Variants in SMIM35 observed in about 807,000 individuals in gnomAD.
SMIM35 encodes the protein TMPRSS4 antisense RNA 1 (non-protein coding).
intron 1 of SMIM35, among the ~76,000 whole-genome samples, chr11:118,024,448 G>A (rs73013729): frequency 0.096 from 14,585 of 152,090 alleles, 977 homozygotes; most frequent in East Asian, 0.37. Flanking sequence ...CTTATAAAGG[G>A]TGAGGCCAGT....
chr11:118,076,006 C>T lies in SMIM35; in HGVS notation c.7+10745G>A, dbSNP rs570276979. Among the ~76,000 whole-genome samples the T allele has an allele frequency of 1.1e-4, 16 of 152,336 alleles. No homozygotes were observed. In the South Asian group the frequency reaches 1.2e-3, roughly 12 times the overall value. ...CTGTGGGGCTGGGTGCGGTGGCTCACGCCATAATCACAGCACTTTGGGAGG... is the reference window on the plus strand; with the variant it reads ...CTGTGGGGCTGGGTGCGGTGGCTCATGCCATAATCACAGCACTTTGGGAGG... On this transcript the variant is annotated intron_variant, in intron 1 of 4. Coordinates refer to ENST00000689828, the MANE Select transcript of SMIM35 (RefSeq NM_001394165.1).
intron 1 of SMIM35, among the ~76,000 whole-genome samples, chr11:118,058,637 C>G (rs956229261): frequency 6.6e-6 from 1 of 152,202 alleles, no homozygotes; most frequent in African/African-American, 2.4e-5. Context: ...GCAGGTGCCT[C>G]TCTATCAAAG....
chr11:118,065,757 G>T (rs1447697499), intron 1 of SMIM35, among the ~76,000 whole-genome samples: 1 of 152,136 alleles, frequency 6.6e-6, no homozygotes, highest in Non-Finnish European at 1.5e-5. Context: ...TTCTTGTTCA[G>T]CCCACTCCCA....
chr11:118,026,761 A>G (rs2058277188), intron 1 of SMIM35, among the ~76,000 whole-genome samples: 1 of 152,104 alleles, frequency 6.6e-6, no homozygotes, highest in Admixed American at 6.5e-5. Context: ...TGAGCCCAGG[A>G]ATTTGAGACC....
intron 1 of SMIM35, among the ~76,000 whole-genome samples, chr11:118,045,496 C>A (rs1197845050): frequency 6.6e-6 from 1 of 151,966 alleles, no homozygotes; most frequent in Non-Finnish European, 1.5e-5. Context: ...GTAAAAAGAG[C>A]CTTTCAAGTT....
intron 1 of SMIM35, among the ~76,000 whole-genome samples, chr11:118,053,504 G>A (rs942997304): frequency 2.6e-5 from 4 of 152,158 alleles, no homozygotes; most frequent in Admixed American, 2.6e-4. Flanking sequence ...CCATGCTCTG[G>A]CAACCCTTCC....
chr11:118,029,116 A>T, intron 1 of SMIM35: 1 of 264,702 alleles, frequency 3.8e-6, no homozygotes, highest in Middle Eastern at 1.2e-3. Flanking sequence ...GTATAGCATA[A>T]ATAAATAAAA....
chr11:118,041,486 T>C (rs1467393420), intron 1 of SMIM35, among the ~76,000 whole-genome samples: 1 of 151,870 alleles, frequency 6.6e-6, no homozygotes, highest in African/African-American at 2.4e-5. Flanking sequence ...AAATTAGAAA[T>C]CAATAGCAAA....
intron 1 of SMIM35, among the ~76,000 whole-genome samples, chr11:118,036,079 G>T (rs1218731755): frequency 6.6e-6 from 1 of 151,936 alleles, no homozygotes; most frequent in Non-Finnish European, 1.5e-5. Flanking sequence ...TAGAGATGGG[G>T]TTTCACCATG....
At chr11:118,067,715 TC>T in intron 1 of SMIM35, among the ~76,000 whole-genome samples, 2 of 149,810 alleles carry the variant, frequency 1.3e-5, no homozygotes, top group Non-Finnish European at 3.0e-5. Flanking sequence ...CGCCTATAGT[TC>T]AACTTCTCGG....
In SMIM35 at chr11:118,004,874, C is replaced by A. The variant is rs1250026818; in HGVS notation, c.*1536G>T. ...CATCAAGGGTGCAGCTGAGGGCTCC[C>A]TTTAGTAAGTTGTCTAATCTGTAGA... On this transcript the variant is annotated 3_prime_UTR_variant, in exon 5 of 5. Coordinates refer to ENST00000689828, the MANE Select transcript of SMIM35 (RefSeq NM_001394165.1). 6.6e-6 allele frequency: 1 copy of A among 152,130 alleles called. No homozygotes were observed. The highest frequency in any genetic ancestry group is 1.5e-5 in the Non-Finnish European group (1 of 68,072). 9.4% of individuals were successfully genotyped at this position (152,130 alleles called of 1,614,324 possible). A position where few individuals can be genotyped will look rare whatever the true frequency, so the allele number is the denominator to read the frequency against.
intron 4 of SMIM35, among the ~76,000 whole-genome samples, chr11:118,010,563 G>A (rs1344420950): frequency 2.0e-5 from 3 of 152,218 alleles, no homozygotes. Flanking sequence ...CAGCCTGGTT[G>A]AGGAACAGCA....
intron 1 of SMIM35, among the ~76,000 whole-genome samples, chr11:118,065,813 G>A (rs561876444): frequency 1.8e-4 from 28 of 152,236 alleles, no homozygotes; most frequent in African/African-American, 6.0e-4. Flanking sequence ...TGCTTTTGTT[G>A]CTTCATTATT....
intron 4 of SMIM35, among the ~76,000 whole-genome samples, chr11:118,011,679 A>G (rs11216676): frequency 0.12 from 17,758 of 152,128 alleles, 1,473 homozygotes; most frequent in East Asian, 0.37. Flanking sequence ...GCAACAGGGC[A>G]AGACTCCATC....
chr11:118,037,790 ACTCCTG>A (rs201990881), intron 1 of SMIM35, among the ~76,000 whole-genome samples: 1 of 151,926 alleles, frequency 6.6e-6, no homozygotes, highest in East Asian at 1.9e-4. Context: ...TCCGCCTAGT[ACTCCTG>A]CTCCAATAAC....
intron 1 of SMIM35, 89 bp from the exon 2 acceptor site, chr11:118,015,898 G>A: frequency 2.5e-6 from 1 of 398,856 alleles, no homozygotes; most frequent in Non-Finnish European, 4.4e-6. Context: ...CCTTCCCACT[G>A]CCTACCAACA....
chr11:118,033,770 T>C (rs76586723), intron 1 of SMIM35, among the ~76,000 whole-genome samples: 2,476 of 152,310 alleles, frequency 0.016, 112 homozygotes, highest in East Asian at 0.11. Flanking sequence ...AAATCATTCA[T>C]AGAATTCTAC....
intron 1 of SMIM35, among the ~76,000 whole-genome samples, chr11:118,033,873 A>G (rs2058338056): frequency 6.6e-6 from 1 of 152,220 alleles, no homozygotes; most frequent in Admixed American, 6.5e-5. Context: ...GTTACTTACA[A>G]TGTGTCCATG....
chr11:118,080,234 G>C (rs964121210), intron 1 of SMIM35, among the ~76,000 whole-genome samples: 1 of 152,224 alleles, frequency 6.6e-6, no homozygotes, highest in African/African-American at 2.4e-5. Flanking sequence ...TCCTGGAAGA[G>C]AAACTATTTG....
Sources: gnomAD v4.1 joint callset for allele counts (sites outside exome capture counted in the v4.1 genomes callset) on GRCh38, gnomAD v4.1.1 for gene constraint, MANE v1.5 for transcripts, NCBI Gene and HGNC (gene_info 2026-07-23, HGNC 2026-07-21) for gene names.